The following MAP4K3 variants were observed in gnomAD, a reference collection of about 807,000 sequenced individuals.
MAP4K3 encodes mitogen-activated protein kinase kinase kinase kinase 3, also known as MAPK/ERK kinase kinase kinase 3.
A neutral mutation model predicts 143.5 loss-of-function variants in MAP4K3; 94 were observed. The ratio of observed to expected loss-of-function variants is 0.65; its 90% CI spans 0.55 to 0.78. The LOEUF (loss-of-function observed/expected upper bound fraction) is 0.78. Ranked by LOEUF, MAP4K3 falls within the 30% of genes least tolerant of loss-of-function variation. MAP4K3 has a pLI of 0.00. For synonymous variants in MAP4K3, 416 were observed against 347.2 expected (o/e 1.20, Z -2.20); for missense variants, 1,077 against 1,068.1 (o/e 1.01, Z -0.12).
intron 2 of MAP4K3, among the ~76,000 whole-genome samples, chr2:39,357,881 T>C (rs1573193747): frequency 6.6e-6 from 1 of 152,350 alleles, no homozygotes; most frequent in South Asian, 2.1e-4. Context: ...AAGAGTTGCA[T>C]ACAGTAAAAG....
In MAP4K3 at chr2:39,355,769, AG is replaced by A. The variant is rs199928039; in HGVS notation, c.245+479del. Among the ~76,000 whole-genome samples the A allele has an allele frequency of 1.7e-3, 254 of 152,314 alleles. 6 individuals carry two copies. In the East Asian group the frequency reaches 0.024, roughly 14 times the overall value. ...AAATTCACAGTCCTAAGTTCACTTTAGGACCTGGAAAAATAAGTTACTGAGA... is the reference window on the plus strand; with the variant it reads ...AAATTCACAGTCCTAAGTTCACTTTAGACCTGGAAAAATAAGTTACTGAGA... On this transcript the variant is annotated intron_variant, in intron 3 of 33. Transcript: ENST00000263881.
intron 31 of MAP4K3, among the ~76,000 whole-genome samples, chr2:39,257,018 T>G (rs1040536324): frequency 2.0e-5 from 3 of 152,214 alleles, no homozygotes; most frequent in Non-Finnish European, 4.4e-5. Flanking sequence ...TGATCAGATA[T>G]CCCTCGAAAC....
intron 2 of MAP4K3, among the ~76,000 whole-genome samples, chr2:39,367,977 A>G (rs913314338): frequency 6.6e-6 from 1 of 152,202 alleles, no homozygotes; most frequent in Non-Finnish European, 1.5e-5. Flanking sequence ...GTGTCCAGGT[A>G]GTCAGGGAAG....
chr2:39,254,569 CTG>C, intron 31 of MAP4K3, 49 bp from the exon 32 acceptor site: 1 of 1,394,746 alleles, frequency 7.2e-7, no homozygotes, highest in South Asian at 1.2e-5. Context: ...AAAAGTTCAA[CTG>C]ATAAGCATCA....
chr2:39,411,095 T>C (rs1242508083), intron 1 of MAP4K3, among the ~76,000 whole-genome samples: 2 of 152,238 alleles, frequency 1.3e-5, no homozygotes, highest in Admixed American at 6.5e-5. Flanking sequence ...AAAAACAAAG[T>C]ATACTCCATA....
intron 1 of MAP4K3, among the ~76,000 whole-genome samples, chr2:39,409,526 T>G (rs897809362): frequency 1.3e-5 from 2 of 152,184 alleles, no homozygotes; most frequent in Non-Finnish European, 2.9e-5. Context: ...CCCAGAAGTT[T>G]GAGTCCAGCC....
At chr2:39,369,922 A>G (rs574793136) in intron 2 of MAP4K3, among the ~76,000 whole-genome samples, 1 of 152,312 alleles carries the variant, frequency 6.6e-6, no homozygotes, top group South Asian at 2.1e-4. Flanking sequence ...CTACATATGC[A>G]CACACACTCT....
chr2:39,419,885 G>A (rs1667497214), intron 1 of MAP4K3, among the ~76,000 whole-genome samples: 1 of 152,160 alleles, frequency 6.6e-6, no homozygotes, highest in Admixed American at 6.5e-5. Flanking sequence ...TGGTTTTACT[G>A]ACGGGATAGA....
intron 16 of MAP4K3, among the ~76,000 whole-genome samples, chr2:39,298,030 A>G (rs1459630614): frequency 1.3e-5 from 2 of 152,184 alleles, no homozygotes; most frequent in African/African-American, 4.8e-5. Flanking sequence ...GCATGTACAG[A>G]TTTTTAAAAT....
chr2:39,291,664 T>C lies in MAP4K3; in HGVS notation c.1271+1109A>G, dbSNP rs191278361. Among the ~76,000 whole-genome samples, 63 of 152,206 alleles carry C rather than the reference T, an allele frequency of 4.1e-4. 1 individual carries two copies. Among genetic ancestry groups the C allele is most frequent in the African/African-American group, 1.3e-3 (55 of 41,530 alleles). Reference sequence around the variant, plus strand: ...ACTCTAGGAGGCTGAGGTGAGCAGATTGCTTGAGCTCAGGAGTTCGAGCCC... The same window carrying C: ...ACTCTAGGAGGCTGAGGTGAGCAGACTGCTTGAGCTCAGGAGTTCGAGCCC... On this transcript the variant is annotated intron_variant, in intron 18 of 33. Coordinates refer to ENST00000263881, the MANE Select transcript of MAP4K3 (RefSeq NM_003618.4).
chr2:39,336,882 T>G (rs1553414187), intron 6 of MAP4K3, 38 bp downstream of exon 6: 1 of 899,704 alleles, frequency 1.1e-6, no homozygotes, highest in South Asian at 2.0e-5. Flanking sequence ...TATTTAAAAA[T>G]GAAGAGAGGG....
chr2:39,267,931 G>GT (rs1288000904), intron 26 of MAP4K3, among the ~76,000 whole-genome samples: 8 of 152,118 alleles, frequency 5.3e-5, no homozygotes, highest in Admixed American at 5.2e-4. Flanking sequence ...TACTGAATTA[G>GT]TAACTTTGGT....
rs562339381 is a variant in MAP4K3 at position 39,384,842 on chromosome 2, A to AACC, written c.97-6722_97-6720dup. 4.5e-4 allele frequency among the ~76,000 whole-genome samples: 68 copies of AACC among 152,282 alleles called. 1 individual carries two copies. The highest frequency in any genetic ancestry group is 2.9e-3 in the Admixed American group (44 of 15,296). ...TTTTAACACATATATTAGATTATGTAACCACCACCACCACCACCATCAGGA... is the reference window on the plus strand; with the variant it reads ...TTTTAACACATATATTAGATTATGTAACCACCACCACCACCACCACCATCAGGA... On this transcript the variant is annotated intron_variant, in intron 1 of 33. Transcript: ENST00000263881.
At position 39,343,388 on chromosome 2, in the gene MAP4K3, C is replaced by T. The variant is rs370830441; in HGVS notation, c.310G>A (p.Val104Ile). Residue 104 changes from valine to isoleucine, a missense_variant and splice_region_variant, in exon 4 of 34, where the codon GTA becomes ATA. By Grantham distance (29) the Val-to-Ile change is conservative. Coordinates refer to ENST00000263881, the MANE Select transcript of MAP4K3 (RefSeq NM_003618.4). ...GGGSLQDIYH[V>I]TGPLSELQIA... ...TATAAAAATACAACTTTGGTCTTAC[C>T]GTGATAAATATCCTGTAAAGAACCA... is the stretch of plus-strand genomic sequence containing the variant. The T allele has an allele frequency of 4.3e-6, 7 of 1,610,368 alleles. No homozygotes were observed. Among genetic ancestry groups the T allele is most frequent in the African/African-American group, 2.7e-5 (2 of 74,758 alleles).
At chr2:39,369,888 G>A (rs1007252931) in intron 2 of MAP4K3, among the ~76,000 whole-genome samples, 11 of 152,146 alleles carry the variant, frequency 7.2e-5, no homozygotes, top group Admixed American at 2.0e-4. Context: ...AGCCATCACC[G>A]TTCCTTACTG....
chr2:39,343,929 T>C (rs1665211757), intron 3 of MAP4K3, among the ~76,000 whole-genome samples: 1 of 152,210 alleles, frequency 6.6e-6, no homozygotes, highest in African/African-American at 2.4e-5. Flanking sequence ...TAGATAGCAC[T>C]TCTCTCTCAT....
At chr2:39,274,456 A>C in intron 24 of MAP4K3, among the ~76,000 whole-genome samples, 1 of 151,922 alleles carries the variant, frequency 6.6e-6, no homozygotes, top group African/African-American at 2.4e-5. Flanking sequence ...TCCTGACCTC[A>C]TGATCCACTC....
intron 29 of MAP4K3, 141 bp from the exon 30 acceptor site, chr2:39,258,728 G>T: frequency 1.5e-6 from 1 of 680,236 alleles, no homozygotes. Context: ...ACTGAGCCAG[G>T]CTAGTGGGTT....
At chr2:39,309,236 G>A (rs938370528) in intron 14 of MAP4K3, among the ~76,000 whole-genome samples, 2 of 152,116 alleles carry the variant, frequency 1.3e-5, no homozygotes, top group Non-Finnish European at 2.9e-5. Flanking sequence ...GGATCCTCCT[G>A]CCGTAGCCAC....
Sources: allele counts gnomAD v4.1 joint callset (sites outside exome capture counted in the v4.1 genomes callset), GRCh38; gene constraint gnomAD v4.1.1; transcripts MANE v1.5; gene names NCBI Gene and HGNC (gene_info 2026-07-23, HGNC 2026-07-21).